Variants in ST3GAL5 observed in about 807,000 individuals in gnomAD.
ST3GAL5 encodes the protein lactosylceramide alpha-2,3-sialyltransferase.
A neutral mutation model predicts 46.1 loss-of-function variants in ST3GAL5; 25 were observed. The observed-to-expected ratio is 0.54, with a 90% CI of 0.40 to 0.76. ST3GAL5 has a LOEUF of 0.76. Ranked by LOEUF, ST3GAL5 falls within the 30% of genes least tolerant of loss-of-function variation. The pLI is 0.00. For missense variants in ST3GAL5, 431 were observed against 521.2 expected (o/e 0.83, Z 1.69); for synonymous variants, 182 against 192.7 (o/e 0.94, Z 0.46).
intron 3 of ST3GAL5, chr2:85,855,824 C>A (rs1368406119): frequency 3.3e-5 from 5 of 152,200 alleles, no homozygotes; most frequent in African/African-American, 1.2e-4. Flanking sequence ...AACACACATA[C>A]GGTCAATGAG....
chr2:85,856,373 G>A (rs1165294543), intron 3 of ST3GAL5: 3 of 152,126 alleles, frequency 2.0e-5, no homozygotes, highest in Non-Finnish European at 4.4e-5. Flanking sequence ...GTCCATAATA[G>A]GCAAATCTAT....
intron 3 of ST3GAL5, chr2:85,851,845 T>A: frequency 1.8e-6 from 1 of 554,160 alleles, no homozygotes; most frequent in Non-Finnish European, 2.8e-6. Context: ...GACTCTCTCG[T>A]AAAATACAAG....
At chr2:85,881,009 C>T (rs1324634205) in intron 1 of ST3GAL5, 1 of 503,026 alleles carries the variant, frequency 2.0e-6, no homozygotes, top group East Asian at 5.5e-5. Flanking sequence ...CCAGAATTCC[C>T]ACGTGTTGTG....
Position 85,888,967 on chromosome 2 carries a change from C to A in ST3GAL5, c.-62G>T. On this transcript the variant is annotated 5_prime_UTR_variant, in exon 1 of 7. Coordinates refer to ENST00000638572, the MANE Select transcript of ST3GAL5 (RefSeq NM_003896.4). Reference sequence around the variant, plus strand: ...ACCCCGCGCCCCCACCCGCCCCCAGCGCCGCTCTCGCGCCCATTCAGCTGG... The same window carrying A: ...ACCCCGCGCCCCCACCCGCCCCCAGAGCCGCTCTCGCGCCCATTCAGCTGG... 1 of 1,207,416 alleles carries A rather than the reference C, an allele frequency of 8.3e-7. No individual in the cohort carries two copies. Among genetic ancestry groups the A allele is most frequent in the South Asian group, 2.7e-5 (1 of 36,754 alleles). 74.8% of individuals were successfully genotyped at this position (1,207,416 alleles called of 1,614,324 possible).
At chr2:85,851,778 A>G in intron 3 of ST3GAL5, 1 of 1,239,868 alleles carries the variant, frequency 8.1e-7, no homozygotes, top group South Asian at 1.3e-5. Context: ...CAGAGGCGTC[A>G]GCTGGGGCCT....
rs1221322618 is a variant in ST3GAL5 at position 85,838,218 on chromosome 2, G to C, written c.*1926C>G. 1 of 152,156 alleles carries C rather than the reference G, an allele frequency of 6.6e-6. No individual in the cohort carries two copies. The highest frequency in any genetic ancestry group is 1.5e-5 in the Non-Finnish European group (1 of 68,068). 9.4% of individuals were successfully genotyped at this position (152,156 alleles called of 1,614,324 possible). On this transcript the variant is annotated 3_prime_UTR_variant, in exon 7 of 7. Coordinates refer to ENST00000638572, the MANE Select transcript of ST3GAL5 (RefSeq NM_003896.4). Reference sequence around the variant, plus strand: ...AAGGGCCTTACAGGGAGGAGGGATGGGGATGGGAGCAGGCCTGAGAATGGC... The same window carrying C: ...AAGGGCCTTACAGGGAGGAGGGATGCGGATGGGAGCAGGCCTGAGAATGGC...
chr2:85,873,818 G>A (rs996743555), intron 1 of ST3GAL5, among the ~76,000 whole-genome samples: 1 of 152,194 alleles, frequency 6.6e-6, no homozygotes, highest in East Asian at 1.9e-4. Flanking sequence ...ACTGGAAGAG[G>A]CTGCAAAGCA....
intron 1 of ST3GAL5, chr2:85,867,880 G>A: frequency 1.7e-6 from 1 of 581,812 alleles, no homozygotes; most frequent in East Asian, 3.3e-5. Context: ...TTAGTCAGAA[G>A]TCAACATGGC....
In ST3GAL5 at chr2:85,888,896, T is replaced by G; in HGVS notation, c.10A>C (p.Lys4Gln). 7.3e-7 allele frequency: 1 copy of G among 1,373,346 alleles called. No homozygotes were observed. Among genetic ancestry groups the G allele is most frequent in the Non-Finnish European group, 9.5e-7 (1 of 1,056,364 alleles). 85.1% of individuals were successfully genotyped at this position (1,373,346 alleles called of 1,614,324 possible). MRT[K>Q]AAGCAERRPL... ...CGCCGCTCCGCGCAGCCCGCCGCCT[T>G]CGTCCGCATACTAATGAGGGGGCGC... The change falls in exon 1 of 7, where the codon AAG becomes CAG. Residue 4 changes from lysine (K) to glutamine (Q), a missense_variant. By Grantham distance (53) the Lys-to-Gln change is moderately conservative. Transcript: ENST00000638572.
intron 2 of ST3GAL5, 81 bp from the exon 3 acceptor site, chr2:85,861,373 A>G: frequency 1.1e-6 from 1 of 911,332 alleles, no homozygotes; most frequent in East Asian, 2.4e-5. Flanking sequence ...ACGGAATCCT[A>G]AATGAGTCTG....
chr2:85,839,485 G>C lies in ST3GAL5; in HGVS notation c.*659C>G, dbSNP rs958858828. ...TGCTGGGAAGACTGTGGTTTCTGTA[G>C]CCCAGGGTGGCTTCACAGTTGTCAG... On this transcript the variant is annotated 3_prime_UTR_variant, in exon 7 of 7. Coordinates refer to ENST00000638572, the MANE Select transcript of ST3GAL5 (RefSeq NM_003896.4). The C allele has an allele frequency of 6.5e-6, 1 of 154,122 alleles. No homozygotes were observed. Among genetic ancestry groups the C allele is most frequent in the African/African-American group, 2.4e-5 (1 of 41,446 alleles). The allele number at this position is 154,122 out of a possible 1,614,324, so 9.5% of individuals were successfully genotyped here. A position where few individuals can be genotyped will look rare whatever the true frequency, so the allele number is the denominator to read the frequency against.
At chr2:85,877,372 C>T (rs755971664) in intron 1 of ST3GAL5, among the ~76,000 whole-genome samples, 39 of 152,194 alleles carry the variant, frequency 2.6e-4, no homozygotes, top group Admixed American at 8.5e-4. Flanking sequence ...AATCTGAAAC[C>T]GTTCCTTTAT....
In ST3GAL5 at chr2:85,885,655, T is replaced by C. The variant is rs188469657; in HGVS notation, c.82+3169A>G. Among the ~76,000 whole-genome samples the C allele has an allele frequency of 4.0e-5, 6 of 151,854 alleles. No homozygotes were observed. In the East Asian group the frequency reaches 5.8e-4, roughly 15 times the overall value. Reference sequence around the variant, plus strand: ...CATCCTGGCTAACACAGTGAAACCCTGTCTCTACTAAAAATACAAAAAATT... The same window carrying C: ...CATCCTGGCTAACACAGTGAAACCCCGTCTCTACTAAAAATACAAAAAATT... On this transcript the variant is annotated intron_variant, in intron 1 of 6. Transcript: ENST00000638572.
At chr2:85,881,172 GCCT>G (rs1186244921) in intron 1 of ST3GAL5, among the ~76,000 whole-genome samples, 1 of 152,178 alleles carries the variant, frequency 6.6e-6, no homozygotes, top group Non-Finnish European at 1.5e-5. Context: ...TGTAAGAAGT[GCCT>G]TTTGCCCTCT....
intron 1 of ST3GAL5, among the ~76,000 whole-genome samples, chr2:85,863,983 T>C (rs1276184682): frequency 6.6e-6 from 1 of 152,104 alleles, no homozygotes; most frequent in African/African-American, 2.4e-5. Context: ...TGGGATTACA[T>C]GCATGAGCCA....
chr2:85,883,098 T>G (rs1687357914), intron 1 of ST3GAL5, among the ~76,000 whole-genome samples: 1 of 152,128 alleles, frequency 6.6e-6, no homozygotes, highest in African/African-American at 2.4e-5. Context: ...CGATTGGTTT[T>G]GAAATGAGAG....
chr2:85,877,634 A>G (rs1209223191), intron 1 of ST3GAL5, among the ~76,000 whole-genome samples: 1 of 152,222 alleles, frequency 6.6e-6, no homozygotes, highest in African/African-American at 2.4e-5. Context: ...TTCGTAATTA[A>G]TAAGTGACTT....
intron 3 of ST3GAL5, chr2:85,856,162 T>C (rs1684087215): frequency 6.6e-6 from 1 of 152,214 alleles, no homozygotes; most frequent in South Asian, 2.1e-4. Context: ...GCATTATTCA[T>C]AATAGCCAAA....
At chr2:85,881,321 G>C (rs939800959) in intron 1 of ST3GAL5, among the ~76,000 whole-genome samples, 1 of 152,200 alleles carries the variant, frequency 6.6e-6, no homozygotes, top group Non-Finnish European at 1.5e-5. Flanking sequence ...ATTGGTACCA[G>C]TAGATGGGGC....
Sources: allele counts gnomAD v4.1 joint callset (sites outside exome capture counted in the v4.1 genomes callset), GRCh38; gene constraint gnomAD v4.1.1; transcripts MANE v1.5; gene names NCBI Gene and HGNC (gene_info 2026-07-23, HGNC 2026-07-21).